The following CORIN variants were observed in gnomAD, a reference collection of about 807,000 sequenced individuals.
CORIN encodes the protein atrial natriuretic peptide-converting enzyme.
CORIN carries 117 observed loss-of-function variants against 125.3 expected under a neutral mutation model. That is an observed-to-expected ratio of 0.93 (90% CI 0.80 to 1.09). CORIN has a LOEUF of 1.09. Ranked by LOEUF, CORIN falls within the 50% of genes least tolerant of loss-of-function variation. The pLI is 0.00. For missense variants in CORIN, 1,253 were observed against 1,306.7 expected (o/e 0.96, Z 0.63); for synonymous variants, 450 against 466.4 (o/e 0.96, Z 0.45).
intron 19 of CORIN, among the ~76,000 whole-genome samples, chr4:47,617,982 C>A (rs548983692): frequency 4.3e-4 from 35 of 82,098 alleles, no homozygotes; most frequent in African/African-American, 1.4e-3. Flanking sequence ...TCAGGCATGG[C>A]AGTAATCTGC....
At chr4:47,764,478 G>T (rs1210626582) in intron 3 of CORIN, among the ~76,000 whole-genome samples, 1 of 152,096 alleles carries the variant, frequency 6.6e-6, no homozygotes, top group African/African-American at 2.4e-5. Flanking sequence ...TTATTCTCTT[G>T]TCTGTATAAA....
At chr4:47,793,305 T>C (rs1731158320) in intron 2 of CORIN, among the ~76,000 whole-genome samples, 1 of 151,844 alleles carries the variant, frequency 6.6e-6, no homozygotes, top group Admixed American at 6.6e-5. Flanking sequence ...TAAATATTCG[T>C]TGAACGTATG....
chr4:47,806,544 C>A (rs759686594), intron 2 of CORIN, among the ~76,000 whole-genome samples: 4 of 152,174 alleles, frequency 2.6e-5, no homozygotes, highest in Non-Finnish European at 4.4e-5. Context: ...CTTGTCTATA[C>A]ACTTCTATCT....
intron 11 of CORIN, among the ~76,000 whole-genome samples, chr4:47,662,819 C>T (rs1724311809): frequency 6.6e-6 from 1 of 152,132 alleles, no homozygotes; most frequent in Non-Finnish European, 1.5e-5. Flanking sequence ...GAAAGTGTAA[C>T]AATCAAATGA....
intron 17 of CORIN, among the ~76,000 whole-genome samples, chr4:47,624,823 A>G (rs374380634): frequency 6.6e-6 from 1 of 152,044 alleles, no homozygotes; most frequent in East Asian, 1.9e-4. Context: ...ATAAAAATCC[A>G]TATTGGGACT....
intron 10 of CORIN, among the ~76,000 whole-genome samples, chr4:47,674,091 T>C (rs1249139456): frequency 6.6e-6 from 1 of 152,226 alleles, no homozygotes; most frequent in Non-Finnish European, 1.5e-5. Flanking sequence ...AGATAGCATC[T>C]GCCTACAGAT....
At chr4:47,600,398 AG>A in intron 20 of CORIN, 51 bp from the exon 21 acceptor site, 1 of 1,184,672 alleles carries the variant, frequency 8.4e-7, no homozygotes, top group Middle Eastern at 2.1e-4. Context: ...ATGACTCAAA[AG>A]TGAGGCTAGT....
intron 7 of CORIN, chr4:47,681,590 A>C (rs1725280933): frequency 6.6e-6 from 1 of 152,338 alleles, no homozygotes; most frequent in South Asian, 2.1e-4. Context: ...GAATCTGATG[A>C]TCTCCAAGGC....
intron 4 of CORIN, among the ~76,000 whole-genome samples, chr4:47,754,484 A>T (rs1001746862): frequency 6.6e-5 from 10 of 152,096 alleles, no homozygotes; most frequent in Admixed American, 2.0e-4. Context: ...TATATATTTT[A>T]AAAAATTATA....
At chr4:47,765,564 T>C (rs546381115) in intron 3 of CORIN, among the ~76,000 whole-genome samples, 1 of 152,284 alleles carries the variant, frequency 6.6e-6, no homozygotes, top group South Asian at 2.1e-4. Context: ...GATAAATGCT[T>C]TCAGAATTTT....
At chr4:47,771,425 A>G (rs1293544509) in intron 3 of CORIN, among the ~76,000 whole-genome samples, 1 of 152,156 alleles carries the variant, frequency 6.6e-6, no homozygotes, top group East Asian at 1.9e-4. Context: ...TCTCTCCATG[A>G]AGATTTAAGC....
intron 14 of CORIN, among the ~76,000 whole-genome samples, chr4:47,643,729 T>TA (rs1723340138): frequency 6.6e-6 from 1 of 152,178 alleles, no homozygotes; most frequent in South Asian, 2.1e-4. Context: ...AAAATTATAG[T>TA]AAATCTCCTT....
chr4:47,623,117 T>TATATATATATATAC (rs141525347), intron 19 of CORIN, among the ~76,000 whole-genome samples: 34 of 134,542 alleles, frequency 2.5e-4, no homozygotes, highest in African/African-American at 1.0e-3. Context: ...TATATATATA[T>TATATATATATATAC]ACACACACAC....
chr4:47,668,369 C>A (rs111883407), intron 10 of CORIN, among the ~76,000 whole-genome samples: 4,199 of 152,296 alleles, frequency 0.028, 201 homozygotes, highest in African/African-American at 0.095. Flanking sequence ...TTTCCCCGCT[C>A]ACATTTATCC....
At chr4:47,765,086 C>T (rs1223145162) in intron 3 of CORIN, among the ~76,000 whole-genome samples, 2 of 152,010 alleles carry the variant, frequency 1.3e-5, no homozygotes, top group African/African-American at 4.8e-5. Context: ...CCGAGGCAGG[C>T]AGATCACGAG....
intron 5 of CORIN, chr4:47,706,482 C>A: frequency 6.2e-7 from 1 of 1,611,502 alleles, no homozygotes; most frequent in Non-Finnish European, 8.5e-7. Flanking sequence ...CTGCTCTTCA[C>A]AGGGCTCCCC....
intron 19 of CORIN, among the ~76,000 whole-genome samples, chr4:47,610,772 G>A (rs1721837893): frequency 2.0e-5 from 3 of 152,104 alleles, no homozygotes; most frequent in African/African-American, 7.2e-5. Flanking sequence ...TTTTGTATAA[G>A]GTGTAAGGAA....
At chr4:47,623,096 C>CTCTCTCTCTCTCTCTCTA (rs771867590) in intron 19 of CORIN, among the ~76,000 whole-genome samples, 35 of 102,294 alleles carry the variant, frequency 3.4e-4, no homozygotes, top group East Asian at 1.6e-3. Context: ...CTCTCTCTCT[C>CTCTCTCTCTCTCTCTCTA]TATATATATA....
At chr4:47,709,454 G>C (rs1033689193) in intron 5 of CORIN, among the ~76,000 whole-genome samples, 1 of 151,848 alleles carries the variant, frequency 6.6e-6, no homozygotes, top group Non-Finnish European at 1.5e-5. Flanking sequence ...CACCACACCT[G>C]GCTAATTTTT....
Sources: gnomAD v4.1 joint callset for allele counts (sites outside exome capture counted in the v4.1 genomes callset) on GRCh38, gnomAD v4.1.1 for gene constraint, MANE v1.5 for transcripts, NCBI Gene and HGNC (gene_info 2026-07-23, HGNC 2026-07-21) for gene names.